The following FCRL3 variants were observed in gnomAD, a reference collection of about 807,000 sequenced individuals.
FCRL3 encodes the protein Fc receptor like 3.
In FCRL3, 89 loss-of-function variants were observed where a neutral mutation model predicts 75.0. The ratio of observed to expected loss-of-function variants is 1.19; its 90% CI spans 1.00 to 1.42. The LOEUF (loss-of-function observed/expected upper bound fraction) is 1.42, where lower values mean the gene tolerates loss of function less well. Among genes scored for constraint, FCRL3 ranks in the 40% most tolerant of loss-of-function variants. The probability of loss-of-function intolerance (pLI) is 0.00; values close to 1 mark genes in which losing one functional copy is unlikely to be tolerated. For missense variants in FCRL3, 946 were observed against 880.0 expected, an observed-to-expected ratio of 1.07 and a Z score of -0.95; for synonymous variants, 376 against 348.5, an observed-to-expected ratio of 1.08 and a Z score of -0.88.
At position 157,700,551 on chromosome 1, in the gene FCRL3, A is replaced by G. The variant is rs1656254514; in HGVS notation, c.-62T>C. Reference sequence around the variant, plus strand: ...TCACCAAAAGCCCGACTTATCTCCAAGAAGGAGGGCAGGAAGCTGCTACTC... The same window carrying G: ...TCACCAAAAGCCCGACTTATCTCCAGGAAGGAGGGCAGGAAGCTGCTACTC... On this transcript the variant is annotated 5_prime_UTR_variant, in exon 2 of 15. Transcript: ENST00000368184. 3 of 1,613,188 alleles carry G rather than the reference A, an allele frequency of 1.9e-6. No homozygotes were observed. The South Asian group carries it at 3.3e-5, about 18-fold the overall frequency.
chr1:157,699,884 G>C (rs377431416), intron 2 of FCRL3, among the ~76,000 whole-genome samples, 172 bp from the exon 3 acceptor site: 1 of 152,108 alleles, frequency 6.6e-6, no homozygotes, highest in Admixed American at 6.5e-5. Flanking sequence ...AAACGTGATG[G>C]CTTATGTCCA....
intron 10 of FCRL3, 96 bp downstream of exon 10, chr1:157,689,702 G>A: frequency 1.3e-6 from 2 of 1,517,638 alleles, no homozygotes; most frequent in Admixed American, 1.8e-5. Context: ...CTAGTACTTG[G>A]AAGGGAATAC....
intron 6 of FCRL3, 77 bp downstream of exon 6, chr1:157,697,063 C>T: frequency 3.8e-6 from 5 of 1,309,226 alleles, no homozygotes; most frequent in Non-Finnish European, 4.0e-6. Context: ...TGTCCACCAT[C>T]CTAGGGGTGC....
chr1:157,679,298 C>A, intron 13 of FCRL3: 1 of 396,532 alleles, frequency 2.5e-6, no homozygotes, highest in Non-Finnish European at 4.7e-6. Flanking sequence ...TCTTGCTCCT[C>A]TGCTCATTAT....
rs746762170 is a variant in FCRL3 at position 157,697,749 on chromosome 1, C to T, written c.469G>A (p.Asp157Asn). The change falls in exon 5 of 15, where the codon GAT (aspartate) becomes AAT (asparagine). Residue 157 changes from aspartate to asparagine, a missense_variant. By Grantham distance (23) the Asp-to-Asn change is conservative. Coordinates refer to ENST00000368184, the MANE Select transcript of FCRL3 (RefSeq NM_052939.4). Reference protein sequence around the residue: ...EKITVNSVSRDNSKYHCTAYR... With the variant: ...EKITVNSVSRNNSKYHCTAYR... ...GCAGTACAATGATATTTGCTATTAT[C>T]CCTGGAGACTGAATTCACTGTGATC... 4 of 1,613,908 alleles carry T rather than the reference C, an allele frequency of 2.5e-6. No homozygotes were observed. The highest frequency in any genetic ancestry group is 3.4e-6 in the Non-Finnish European group (4 of 1,179,946).
rs1003529235 is a variant in FCRL3 at position 157,689,897 on chromosome 1, C to T, written c.1711G>A (p.Gly571Ser). Residue 571 changes from glycine to serine, a missense_variant, in exon 10 of 15, where the codon GGC (glycine) becomes AGC (serine). Physicochemically the swap from Gly to Ser is moderately conservative, Grantham distance 56 (BLOSUM62 0). Transcript: ENST00000368184. ...CCCGTGATTCCCGCAGCGGTAAGGC[C>T]TGTTCTGTTCCTGGAAGTTCCTGAG... ...NVTGTSRNRT[G>S]LTAAGITGLV... is the part of the protein sequence containing the mutation. 4 of 1,614,052 alleles carry T rather than the reference C, an allele frequency of 2.5e-6. No individual in the cohort carries two copies. Among genetic ancestry groups the T allele is most frequent in the East Asian group, 2.2e-5 (1 of 44,898 alleles).
Position 157,696,221 on chromosome 1 carries a change from A to C in FCRL3, c.951T>G (p.Thr317=), listed in dbSNP as rs1428346874. The part of the protein sequence containing the change: ...LICSVAQGSG[T]VTFSWHKEGR... ...CTTCTTTGTGCCAGGAGAATGTGAC[A>C]GTCCCTGAACCCTGGGCTACTGAGC... is the stretch of plus-strand genomic sequence containing the variant. The change falls in exon 7 of 15, where the codon ACT becomes ACG. Residue 317 remains threonine, a synonymous_variant. Coordinates refer to ENST00000368184, the MANE Select transcript of FCRL3 (RefSeq NM_052939.4). 3 of 1,614,006 alleles carry C rather than the reference A, an allele frequency of 1.9e-6. No homozygotes were observed. The highest frequency in any genetic ancestry group is 1.7e-5 in the Admixed American group (1 of 60,014).
chr1:157,678,632 G>T lies in FCRL3; in HGVS notation c.*78C>A. On this transcript the variant is annotated 3_prime_UTR_variant, in exon 15 of 15. Coordinates refer to ENST00000368184, the MANE Select transcript of FCRL3 (RefSeq NM_052939.4). ...CCTCGTAGGAGGCAGAGTCTGGAGA[G>T]ATGGATGATGTGTGGTTGGAGAGAA... The T allele has an allele frequency of 6.3e-7, 1 of 1,588,090 alleles. No individual in the cohort carries two copies.
chr1:157,700,115 G>A (rs773590722), intron 2 of FCRL3, among the ~76,000 whole-genome samples: 5 of 152,044 alleles, frequency 3.3e-5, no homozygotes, highest in South Asian at 2.1e-4. Context: ...CTTCCTTCAC[G>A]TGCCTAGGTT....
intron 10 of FCRL3, among the ~76,000 whole-genome samples, chr1:157,683,668 G>A (rs1654989623): frequency 6.6e-6 from 1 of 152,140 alleles, no homozygotes; most frequent in Admixed American, 6.5e-5. Context: ...ATGAATCAAT[G>A]GGACTACCAT....
In FCRL3 at chr1:157,700,535, G is replaced by A. The variant is rs1395566640; in HGVS notation, c.-46C>T. ...GTTGGGAAAGTCTGTCTCACCAAAA[G>A]CCCGACTTATCTCCAAGAAGGAGGG... On this transcript the variant is annotated 5_prime_UTR_variant, in exon 2 of 15. Coordinates refer to ENST00000368184, the MANE Select transcript of FCRL3 (RefSeq NM_052939.4). 3.1e-6 allele frequency: 5 copies of A among 1,613,694 alleles called. No individual in the cohort carries two copies. The African/African-American group carries it at 5.3e-5, about 17-fold the overall frequency.
chr1:157,695,691 GTC>G (rs1483334500), intron 7 of FCRL3, 84 bp from the exon 8 acceptor site: 1 of 1,393,978 alleles, frequency 7.2e-7, no homozygotes, highest in Non-Finnish European at 9.7e-7. Context: ...CAATGGATAT[GTC>G]CCTTGTCCCT....
intron 12 of FCRL3, 32 bp downstream of exon 12, chr1:157,680,949 C>T: frequency 1.3e-6 from 2 of 1,544,256 alleles, no homozygotes; most frequent in Middle Eastern, 1.7e-4. Flanking sequence ...TGGCTCCTCC[C>T]TAGAGCCTTC....
chr1:157,680,326 T>C (rs1654757992), intron 13 of FCRL3, among the ~76,000 whole-genome samples: 1 of 152,160 alleles, frequency 6.6e-6, no homozygotes, highest in Non-Finnish European at 1.5e-5. Context: ...TGGAAATAGA[T>C]TTTGGGAAGG....
chr1:157,680,826 A>G, intron 12 of FCRL3, 56 bp from the exon 13 acceptor site: 1 of 1,542,748 alleles, frequency 6.5e-7, no homozygotes, highest in Non-Finnish European at 8.9e-7. Flanking sequence ...TCTAGACTCT[A>G]CTTCCCAATC....
At position 157,695,414 on chromosome 1, in the gene FCRL3, A is replaced by C; in HGVS notation, c.1326T>G (p.Thr442=). The change falls in exon 8 of 15, where the codon ACT becomes ACG. Residue 442 remains threonine (T), a synonymous_variant. Coordinates refer to ENST00000368184, the MANE Select transcript of FCRL3 (RefSeq NM_052939.4). ...GGGASFNLSL[T]AEHSGNYSCD... ...AGGAGTAGTTTCCAGAATGTTCTGC[A>C]GTCAGAGAGAGGTTGAAGGAGGCTC... The C allele has an allele frequency of 6.2e-7, 1 of 1,614,196 alleles. No individual in the cohort carries two copies. The highest frequency in any genetic ancestry group is 8.5e-7 in the Non-Finnish European group (1 of 1,180,014).
intron 13 of FCRL3, 194 bp from the exon 14 acceptor site, chr1:157,679,167 C>T: frequency 1.6e-6 from 1 of 640,298 alleles, no homozygotes; most frequent in East Asian, 2.8e-5. Flanking sequence ...GATCTCTTGA[C>T]TGTTTCCTCT....
Position 157,697,371 on chromosome 1 carries a change from T to A in FCRL3, c.613A>T (p.Ser205Cys), listed in dbSNP as rs1655995303. Residue 205 changes from serine to cysteine, a missense_variant, in exon 6 of 15, where the codon AGT becomes TGT. Coordinates refer to ENST00000368184, the MANE Select transcript of FCRL3 (RefSeq NM_052939.4). ...GTCTCACAGGTCAGGGTCATGGGAC[T>A]CCCCTCTATGGGCGTGGAAGAGCTG... ...RASSSTPIEG[S>C]PMTLTCETQL... The A allele has an allele frequency of 3.8e-6, 6 of 1,588,094 alleles. No homozygotes were observed. The African/African-American group carries it at 6.8e-5, about 18-fold the overall frequency.
At chr1:157,686,458 C>CA (rs1172272191) in intron 10 of FCRL3, among the ~76,000 whole-genome samples, 1 of 151,904 alleles carries the variant, frequency 6.6e-6, no homozygotes, top group Non-Finnish European at 1.5e-5. Context: ...CATATGGAAC[C>CA]AAAAAAGAGC....
Sources: gnomAD v4.1 joint callset for allele counts (sites outside exome capture counted in the v4.1 genomes callset) on GRCh38, gnomAD v4.1.1 for gene constraint, MANE v1.5 for transcripts, NCBI Gene and HGNC (gene_info 2026-07-23, HGNC 2026-07-21) for gene names.